MYH4: variants seen among roughly 807,000 people sequenced by gnomAD.
MYH4 encodes the protein myosin-4.
In MYH4, 200 loss-of-function variants were observed where a neutral mutation model predicts 229.9. That is an observed-to-expected ratio of 0.87 (90% CI 0.78 to 0.98). MYH4 has a LOEUF of 0.98. Among genes scored for constraint, MYH4 ranks in the 50% least tolerant of loss-of-function variants. The pLI is 0.00. For missense variants in MYH4, 2,148 were observed against 2,332.6 expected (o/e 0.92, Z 1.63); for synonymous variants, 761 against 834.6 (o/e 0.91, Z 1.52).
At chr17:10,456,698 C>T (rs1344950309) in intron 16 of MYH4, 143 bp from the exon 17 acceptor site, 7 of 647,774 alleles carry the variant, frequency 1.1e-5, no homozygotes, top group East Asian at 2.7e-5. Flanking sequence ...CCATATCTCT[C>T]CTCCCTCAAT....
At position 10,452,876 on chromosome 17, in the gene MYH4, C is replaced by T. The variant is rs771025130; in HGVS notation, c.3168G>A (p.Lys1056=). The T allele has an allele frequency of 1.2e-6, 2 of 1,608,330 alleles. No homozygotes were observed. The highest frequency in any genetic ancestry group is 1.7e-6 in the Non-Finnish European group (2 of 1,179,052). The change falls in exon 25 of 40, where the codon AAG becomes AAA. Residue 1056 remains lysine (K), a synonymous_variant. Coordinates refer to ENST00000255381, the MANE Select transcript of MYH4 (RefSeq NM_017533.2). ...KKLCMDLERA[K]RKLEGDLKLA... is the part of the protein sequence containing the mutation. ...ATTTTAGGTCACCCTCCAGTTTTCT[C>T]TTGGCTCTTTCTAAGTCCATGCAAA...
rs3744559 is a variant in MYH4, at chr17:10,455,514, T to C, written c.2174+100A>G. ...TCTTTTATGATCAATTTTCAAATAA[T>C]TGCATGTCATTTTTCAAGGAAAAGT... On this transcript the variant is annotated intron_variant, in intron 19 of 39. Coordinates refer to ENST00000255381, the MANE Select transcript of MYH4 (RefSeq NM_017533.2). 5,947 of 1,473,940 alleles carry C rather than the reference T, an allele frequency of 4.0e-3. 131 individuals are homozygous for C. The Admixed American group carries it at 0.045, about 11-fold the overall frequency. 91.3% of individuals were successfully genotyped at this position (1,473,940 alleles called of 1,614,324 possible). A position where few individuals can be genotyped will look rare whatever the true frequency, so the allele number is the denominator to read the frequency against.
At chr17:10,464,286 A>G (rs948569475) in intron 7 of MYH4, among the ~76,000 whole-genome samples, 186 bp downstream of exon 7, 1 of 152,174 alleles carries the variant, frequency 6.6e-6, no homozygotes, top group Non-Finnish European at 1.5e-5. Context: ...CTGTTCCTGC[A>G]TTAATTCTCT....
chr17:10,446,980 G>A, intron 35 of MYH4, 33 bp downstream of exon 35: 1 of 1,589,782 alleles, frequency 6.3e-7, no homozygotes, highest in Non-Finnish European at 8.6e-7. Context: ...GCTTCAGGGA[G>A]TACATTTTCT....
In MYH4 at chr17:10,464,176, C is replaced by T. The variant is rs939703174; in HGVS notation, c.648+296G>A. Among the ~76,000 whole-genome samples, 4 of 152,056 alleles carry T rather than the reference C, an allele frequency of 2.6e-5. No homozygotes were observed. The East Asian group carries it at 7.7e-4, about 29-fold the overall frequency. On this transcript the variant is annotated intron_variant, in intron 7 of 39. Transcript: ENST00000255381. ...GGCTCTTGCCTCCCTCCTACCCTTC[C>T]CCATCTAGTAGTCTCCAGTGTCTAT...
In MYH4 at chr17:10,459,345, A is replaced by G; in HGVS notation, c.1493T>C (p.Val498Ala). ...LQQFFNHHMF[V>A]LEQEEYKKEG... ...CTTCTTGTACTCTTCCTGCTCCAGC[A>G]CGAACATGTGGTGGTTGAAAAACTG... is the stretch of plus-strand genomic sequence containing the variant. The change falls in exon 15 of 40, where the codon GTG becomes GCG. Residue 498 changes from valine to alanine, a missense_variant. Val to Ala is a moderately conservative substitution (Grantham distance 64, BLOSUM62 0). Transcript: ENST00000255381. The G allele has an allele frequency of 1.2e-6, 2 of 1,614,092 alleles. No individual in the cohort carries two copies. Among genetic ancestry groups the G allele is most frequent in the Non-Finnish European group, 1.7e-6 (2 of 1,180,018 alleles).
Position 10,452,787 on chromosome 17 carries a change from T to C in MYH4, c.3257A>G (p.Lys1086Arg). Residue 1086 changes from lysine to arginine, a missense_variant and splice_region_variant, in exon 25 of 40, where the codon AAG becomes AGG. By Grantham distance (26) the Lys-to-Arg change is conservative. Coordinates refer to ENST00000255381, the MANE Select transcript of MYH4 (RefSeq NM_017533.2). ...DKQQLNEKLK[K>R]KEFEMSNLQG... ...TATAGCTGAATTATACCATACTTAC[T>C]TTTTGAGTTTCTCATTAAGTTGCTG... The C allele has an allele frequency of 6.2e-6, 10 of 1,601,582 alleles. No homozygotes were observed. The highest frequency in any genetic ancestry group is 8.5e-6 in the Non-Finnish European group (10 of 1,177,388).
At position 10,443,311 on chromosome 17, in the gene MYH4, A is replaced by T; in HGVS notation, c.*64T>A. The T allele has an allele frequency of 1.3e-6, 2 of 1,538,610 alleles. No individual in the cohort carries two copies. The highest frequency in any genetic ancestry group is 1.8e-6 in the Non-Finnish European group (2 of 1,115,578). The stretch of plus-strand genomic sequence containing the variant: ...AGATTTTATTTCCTTGATATACAGG[A>T]CAGTGACAAAGAACTTCACATTTCG... On this transcript the variant is annotated 3_prime_UTR_variant, in exon 40 of 40. Coordinates refer to ENST00000255381, the MANE Select transcript of MYH4 (RefSeq NM_017533.2). This position sits in a 1 kb window ranked among gnomAD's most constrained non-coding sequence, Gnocchi z 4.6.
rs201752609 is a variant in MYH4, at chr17:10,451,290, C to T, written c.3865+36G>A. 204 of 1,606,140 alleles carry T rather than the reference C, an allele frequency of 1.3e-4. No homozygotes were observed. The African/African-American group carries it at 2.6e-3, about 20-fold the overall frequency. On this transcript the variant is annotated intron_variant, in intron 28 of 39. Coordinates refer to ENST00000255381, the MANE Select transcript of MYH4 (RefSeq NM_017533.2). ...AGGTAAAGGCTTGTCTTTCATTCGT[C>T]ACCTCTCCGAAGGTTGATGCTATTT... is the stretch of plus-strand genomic sequence containing the variant.
Position 10,450,785 on chromosome 17 carries a change from CCTCTT to C in MYH4, c.3971_3975del (p.Glu1324GlyfsTer3), listed in dbSNP as rs1467702177. 2 of 1,613,394 alleles carry C rather than the reference CCTCTT, an allele frequency of 1.2e-6. No individual in the cohort carries two copies. The highest frequency in any genetic ancestry group is 1.7e-6 in the Non-Finnish European group (2 of 1,179,456). ...AGCTGGAGAATTCTCACCTTAGTCT[CCTCTT>C]CTAGCTGCCTCTTTAATTCTTCAAT... On this transcript the variant is annotated frameshift_variant, in exon 29 of 40. Transcript: ENST00000255381. LOFTEE classifies it high-confidence loss of function.
chr17:10,466,654 G>C lies in MYH4; in HGVS notation c.92C>G (p.Pro31Arg). The C allele has an allele frequency of 6.2e-7, 1 of 1,614,144 alleles. No individual in the cohort carries two copies. The highest frequency in any genetic ancestry group is 8.5e-7 in the Non-Finnish European group (1 of 1,180,042). The change falls in exon 3 of 40, where the codon CCT (proline) becomes CGT (arginine). Residue 31 changes from proline to arginine, a missense_variant. Coordinates refer to ENST00000255381, the MANE Select transcript of MYH4 (RefSeq NM_017533.2). ...AAAGACTGATGTCTTGGCATCAAAA[G>C]GCTTGTTCTGAGCTTCAATTCGCTC... ...EKERIEAQNK[P>R]FDAKTSVFVV... is the part of the protein sequence containing the mutation.
intron 15 of MYH4, among the ~76,000 whole-genome samples, chr17:10,458,191 C>T (rs2072662817): frequency 6.6e-6 from 1 of 152,130 alleles, no homozygotes; most frequent in South Asian, 2.1e-4. Context: ...GTACTTTAAC[C>T]TATATTCTCT....
Position 10,460,903 on chromosome 17 carries a change from CAG to C in MYH4, c.1147+11_1147+12del, listed in dbSNP as rs1567705218. ...AGCTTTGTCAAGTGGAAGATACCAA[CAG>C]GGGGTGGTACCTTCCGTGCCATCTG... is the stretch of plus-strand genomic sequence containing the variant. On this transcript the variant is annotated intron_variant, in intron 12 of 39. Transcript: ENST00000255381. The C allele has an allele frequency of 1.2e-6, 2 of 1,613,652 alleles. No homozygotes were observed. The highest frequency in any genetic ancestry group is 1.7e-6 in the Non-Finnish European group (2 of 1,179,780).
rs751983408 is a variant in MYH4, at chr17:10,460,928, C to G, written c.1135G>C (p.Asp379His). The G allele has an allele frequency of 2.5e-6, 4 of 1,613,998 alleles. No individual in the cohort carries two copies. The African/African-American group carries it at 4.0e-5, about 16-fold the overall frequency. Residue 379 changes from aspartate (D) to histidine (H), a missense_variant, in exon 12 of 40, where the codon GAT becomes CAT. Transcript: ENST00000255381. ...CAGGGGGTGGTACCTTCCGTGCCATCTGGCTCTGCCTGCTCTTCCCTTTGC... is the reference window on the plus strand; with the variant it reads ...CAGGGGGTGGTACCTTCCGTGCCATGTGGCTCTGCCTGCTCTTCCCTTTGC... ...QKQREEQAEP[D>H]GTEVADKAAY...
chr17:10,463,534 A>C lies in MYH4; in HGVS notation c.741+17T>G. ...ATCAGTGCTGATCCTCAAGAAAATG[A>C]AGATCAAGAGACTTACAAAGCGAGA... On this transcript the variant is annotated intron_variant, in intron 8 of 39. Coordinates refer to ENST00000255381, the MANE Select transcript of MYH4 (RefSeq NM_017533.2). The C allele has an allele frequency of 6.2e-7, 1 of 1,605,238 alleles. No individual in the cohort carries two copies. Among genetic ancestry groups the C allele is most frequent in the Non-Finnish European group, 8.5e-7 (1 of 1,172,328 alleles).
In MYH4 at chr17:10,452,247, G is replaced by A. The variant is rs921439464; in HGVS notation, c.3432C>T (p.Ser1144=). The A allele has an allele frequency of 1.1e-5, 18 of 1,613,792 alleles. No individual in the cohort carries two copies. Among genetic ancestry groups the A allele is most frequent in the Admixed American group, 1.7e-5 (1 of 59,988 alleles). The change falls in exon 27 of 40, where the codon TCC becomes TCT. Residue 1144 remains serine (S), a synonymous_variant. Transcript: ENST00000255381. ...AKAEKQRSDL[S]RELEEISERL... ...TCTCACTGATCTCCTCCAGCTCCCGGGAGAGGTCAGAGCGCTGCTTCTCTG... is the reference window on the plus strand; with the variant it reads ...TCTCACTGATCTCCTCCAGCTCCCGAGAGAGGTCAGAGCGCTGCTTCTCTG...
Position 10,452,058 on chromosome 17 carries a change from A to G in MYH4, c.3621T>C (p.Leu1207=). ...RKKHADSVAE[L]GEQIDSLQRV... is the part of the protein sequence containing the mutation. ...GCTGAAGGCTGTCAATCTGCTCCCC[A>G]AGCTCAGCCACACTATCTGCGTGCT... Residue 1207 remains leucine (L), a synonymous_variant, in exon 27 of 40, where the codon CTT becomes CTC. Coordinates refer to ENST00000255381, the MANE Select transcript of MYH4 (RefSeq NM_017533.2). The G allele has an allele frequency of 1.2e-6, 2 of 1,613,922 alleles. No homozygotes were observed. Among genetic ancestry groups the G allele is most frequent in the South Asian group, 2.2e-5 (2 of 91,072 alleles).
At position 10,459,417 on chromosome 17, in the gene MYH4, T is replaced by G. The variant is rs760459632; in HGVS notation, c.1421A>C (p.Asn474Thr). 1.9e-6 allele frequency: 3 copies of G among 1,614,188 alleles called. No homozygotes were observed. Among genetic ancestry groups the G allele is most frequent in the East Asian group, 2.2e-5 (1 of 44,884 alleles). ...DIAGFEIFDF[N>T]SLEQLCINFT... ...GTTGATGCACAGCTGCTCCAGGCTGTTGAACTACAGAACAAGATAAATATA... is the reference window on the plus strand; with the variant it reads ...GTTGATGCACAGCTGCTCCAGGCTGGTGAACTACAGAACAAGATAAATATA... The change falls in exon 15 of 40, where the codon AAC becomes ACC. Residue 474 changes from asparagine to threonine, a missense_variant. Asn to Thr is a moderately conservative substitution (Grantham distance 65). Coordinates refer to ENST00000255381, the MANE Select transcript of MYH4 (RefSeq NM_017533.2).
At chr17:10,456,300 T>TG (rs1369776011) in intron 17 of MYH4, among the ~76,000 whole-genome samples, 185 bp downstream of exon 17, 3 of 152,186 alleles carry the variant, frequency 2.0e-5, no homozygotes, top group Admixed American at 1.3e-4. Flanking sequence ...ATGTAGTTTG[T>TG]TTTTTTGTGC....
Sources: gnomAD v4.1 joint callset for allele counts (sites outside exome capture counted in the v4.1 genomes callset) on GRCh38, gnomAD v4.1.1 for gene constraint, Gnocchi (gnomAD v3.1) non-coding constraint, MANE v1.5 for transcripts, NCBI Gene and HGNC (gene_info 2026-07-23, HGNC 2026-07-21) for gene names.